ADAM18: variants seen among roughly 807,000 people sequenced by gnomAD.
ADAM18 encodes the protein disintegrin and metalloproteinase domain-containing protein 18.
In ADAM18, 117 loss-of-function variants were observed where a neutral mutation model predicts 94.4. The ratio of observed to expected loss-of-function variants is 1.24; its 90% CI spans 1.07 to 1.45. The LOEUF (loss-of-function observed/expected upper bound fraction) is 1.45. Among genes scored for constraint, ADAM18 ranks in the 40% most tolerant of loss-of-function variants. The pLI, the probability that ADAM18 is intolerant of heterozygous loss-of-function variation, is 0.00. For synonymous variants in ADAM18, 327 were observed against 291.6 expected (o/e 1.12, Z -1.24); for missense variants, 936 against 880.0 (o/e 1.06, Z -0.81).
intron 9 of ADAM18, 101 bp downstream of exon 9, chr8:39,637,804 T>G (rs1418412609): frequency 7.8e-6 from 9 of 1,160,652 alleles, no homozygotes; most frequent in Non-Finnish European, 1.0e-5. Flanking sequence ...TAAGCCCCTT[T>G]GGAAGTGTTT....
At chr8:39,685,994 A>G (rs958049137) in intron 16 of ADAM18, among the ~76,000 whole-genome samples, 4 of 152,042 alleles carry the variant, frequency 2.6e-5, no homozygotes, top group Non-Finnish European at 4.4e-5. Context: ...TTCACCTTCC[A>G]TTTTCCTACC....
At chr8:39,604,143 T>C (rs1818991879) in intron 2 of ADAM18, among the ~76,000 whole-genome samples, 1 of 152,244 alleles carries the variant, frequency 6.6e-6, no homozygotes, top group African/African-American at 2.4e-5. Flanking sequence ...TCTGCCAGGC[T>C]CTTACACTCA....
At chr8:39,606,424 C>A in intron 3 of ADAM18, 62 bp downstream of exon 3, 1 of 1,131,778 alleles carries the variant, frequency 8.8e-7, no homozygotes, top group Non-Finnish European at 1.3e-6. Context: ...ATTTTACAGC[C>A]TTAAAGTTTT....
intron 17 of ADAM18, among the ~76,000 whole-genome samples, chr8:39,693,233 T>A (rs1023425781): frequency 1.3e-5 from 2 of 151,538 alleles, no homozygotes; most frequent in Non-Finnish European, 3.0e-5. Flanking sequence ...AGAAAATCAG[T>A]GTGTGATATA....
intron 1 of ADAM18, among the ~76,000 whole-genome samples, 170 bp downstream of exon 1, chr8:39,584,847 A>G (rs1818351012): frequency 6.6e-6 from 1 of 152,076 alleles, no homozygotes; most frequent in Non-Finnish European, 1.5e-5. Flanking sequence ...AGGGGGAACT[A>G]AAGGCCTTAG....
At chr8:39,606,420 C>A in intron 3 of ADAM18, 58 bp downstream of exon 3, 2 of 1,183,152 alleles carry the variant, frequency 1.7e-6, no homozygotes, top group Non-Finnish European at 2.4e-6. Flanking sequence ...TTAGATTTTA[C>A]AGCCTTAAAG....
intron 6 of ADAM18, 66 bp from the exon 7 acceptor site, chr8:39,629,308 T>C: frequency 7.9e-7 from 1 of 1,269,852 alleles, no homozygotes; most frequent in Non-Finnish European, 1.1e-6. Flanking sequence ...TCTTTACATG[T>C]CATCTTTTTC....
intron 2 of ADAM18, chr8:39,604,554 G>C (rs2129578279): frequency 6.6e-6 from 1 of 152,212 alleles, no homozygotes; most frequent in Non-Finnish European, 1.5e-5. Flanking sequence ...TGGTGAGTGA[G>C]TTCTCGTGAG....
intron 1 of ADAM18, 80 bp from the exon 2 acceptor site, chr8:39,585,196 C>A: frequency 8.8e-7 from 1 of 1,133,442 alleles, no homozygotes; most frequent in Non-Finnish European, 1.3e-6. Context: ...ACCATGCAGT[C>A]CGGGATAAGA....
At chr8:39,592,141 C>A (rs1042954730) in intron 2 of ADAM18, among the ~76,000 whole-genome samples, 1 of 152,164 alleles carries the variant, frequency 6.6e-6, no homozygotes, top group East Asian at 1.9e-4. Flanking sequence ...TAGCATAATT[C>A]TTAAGGGCCC....
At chr8:39,637,498 C>A in intron 8 of ADAM18, 39 bp from the exon 9 acceptor site, 2 of 1,514,822 alleles carry the variant, frequency 1.3e-6, no homozygotes, top group Non-Finnish European at 1.8e-6. Context: ...AATGTAATAA[C>A]TTGTTTCTTT....
At chr8:39,717,436 T>C (rs1483961713) in intron 18 of ADAM18, among the ~76,000 whole-genome samples, 1 of 151,894 alleles carries the variant, frequency 6.6e-6, no homozygotes, top group East Asian at 1.9e-4. Flanking sequence ...TATAATTTTT[T>C]ATCCTGACAT....
chr8:39,629,173 A>G (rs1819860363), intron 6 of ADAM18, among the ~76,000 whole-genome samples: 1 of 151,792 alleles, frequency 6.6e-6, no homozygotes, highest in African/African-American at 2.4e-5. Flanking sequence ...AGACCCTTAC[A>G]TTACTCTGGC....
chr8:39,619,916 C>T (rs753935836), intron 6 of ADAM18, among the ~76,000 whole-genome samples: 5 of 151,896 alleles, frequency 3.3e-5, no homozygotes, highest in Non-Finnish European at 5.9e-5. Flanking sequence ...AACAAGAGAA[C>T]ACCCCAAATA....
intron 16 of ADAM18, among the ~76,000 whole-genome samples, chr8:39,683,309 G>A (rs75457164): frequency 0.018 from 2,816 of 152,252 alleles, 81 homozygotes; most frequent in African/African-American, 0.064. Flanking sequence ...GATGAAATTG[G>A]CTGGCATTTT....
chr8:39,692,681 G>T lies in ADAM18; in HGVS notation c.1902+1G>T, dbSNP rs1421632328. 1.3e-6 allele frequency: 2 copies of T among 1,594,936 alleles called. No homozygotes were observed. Among genetic ancestry groups the T allele is most frequent in the Admixed American group, 1.7e-5 (1 of 58,182 alleles). On this transcript the variant is annotated splice_donor_variant, in intron 17 of 19. Coordinates refer to ENST00000265707, the MANE Select transcript of ADAM18 (RefSeq NM_014237.3). LOFTEE classifies it high-confidence loss of function. ...CACCACAAAATGCAAAGGGAAAGGG[G>T]TAAGTCACTTTTGTATCTGAATTGC... is the stretch of plus-strand genomic sequence containing the variant.
intron 2 of ADAM18, among the ~76,000 whole-genome samples, chr8:39,589,522 GTA>G (rs1182844605): frequency 6.6e-6 from 1 of 151,836 alleles, no homozygotes; most frequent in East Asian, 1.9e-4. Flanking sequence ...ATGATTATGT[GTA>G]TGTTATGTAT....
intron 6 of ADAM18, among the ~76,000 whole-genome samples, chr8:39,615,367 T>A (rs985297045): frequency 6.6e-6 from 1 of 151,988 alleles, no homozygotes; most frequent in Non-Finnish European, 1.5e-5. Context: ...GGATAAATGA[T>A]GAAATTAAGG....
chr8:39,663,789 T>A lies in ADAM18; in HGVS notation c.1231-6T>A. ...TGTAATAATATTTCTTCCTGTAAAA[T>A]TTTAGGAATGTCAATTTAAGAAGTG... is the stretch of plus-strand genomic sequence containing the variant. On this transcript the variant is annotated splice_polypyrimidine_tract_variant and splice_region_variant and intron_variant, in intron 12 of 19. Transcript: ENST00000265707. 1 of 1,597,568 alleles carries A rather than the reference T, an allele frequency of 6.3e-7. No individual in the cohort carries two copies. The highest frequency in any genetic ancestry group is 1.1e-5 in the South Asian group (1 of 88,606).
Sources: allele counts gnomAD v4.1 joint callset (sites outside exome capture counted in the v4.1 genomes callset), GRCh38; gene constraint gnomAD v4.1.1; transcripts MANE v1.5; gene names NCBI Gene and HGNC (gene_info 2026-07-23, HGNC 2026-07-21).